The following PLCG2 variants were observed in gnomAD, a reference collection of about 807,000 sequenced individuals.
PLCG2 encodes the protein phospholipase C gamma 2.
In PLCG2, 69 loss-of-function variants were observed where a neutral mutation model predicts 175.6. The ratio of observed to expected loss-of-function variants is 0.39; its 90% CI spans 0.32 to 0.48. The LOEUF is 0.48. Among genes scored for constraint, PLCG2 ranks in the 20% least tolerant of loss-of-function variants. PLCG2 has a pLI of 0.91. For missense variants in PLCG2, 1,798 were observed against 1,650.9 expected, an observed-to-expected ratio of 1.09 and a Z score of -1.54; for synonymous variants, 827 against 624.0, an observed-to-expected ratio of 1.33 and a Z score of -4.85.
intron 2 of PLCG2, among the ~76,000 whole-genome samples, chr16:81,773,299 C>T (rs931748026): frequency 2.0e-5 from 3 of 152,174 alleles, no homozygotes; most frequent in African/African-American, 7.2e-5. Flanking sequence ...CTTGTCTGCA[C>T]CCCAACCACT....
rs760624627 is a variant in PLCG2, at chr16:81,919,646, C to T, written c.2217C>T (p.Leu739=). 1.2e-6 allele frequency: 2 copies of T among 1,613,884 alleles called. No individual in the cohort carries two copies. The highest frequency in any genetic ancestry group is 8.5e-7 in the Non-Finnish European group (1 of 1,179,828). Residue 739 remains leucine (L), a synonymous_variant, in exon 20 of 33, where the codon CTC becomes CTT. Coordinates refer to ENST00000564138, the MANE Select transcript of PLCG2 (RefSeq NM_002661.5). Reference sequence around the variant, plus strand: ...TGCGCTACCCCGTGACCCCCGAGCTCCTGGAGCGCTACAATATGGTAGGTG... The same window carrying T: ...TGCGCTACCCCGTGACCCCCGAGCTTCTGGAGCGCTACAATATGGTAGGTG... ...MRLRYPVTPE[L]LERYNMERDI...
At chr16:81,943,831 C>G (rs992951265) in intron 30 of PLCG2, among the ~76,000 whole-genome samples, 2 of 152,246 alleles carry the variant, frequency 1.3e-5, no homozygotes, top group African/African-American at 4.8e-5. Context: ...TCAATGAGAG[C>G]AATGTCCCCA....
chr16:81,931,672 CG>C lies in PLCG2; in HGVS notation c.2739+21del. Reference sequence around the variant, plus strand: ...ACACCAAGGTAGGCACCTGCTCACCCGGGTGCAGGTGGGCCTGGCATTCTGA... The same window carrying C: ...ACACCAAGGTAGGCACCTGCTCACCCGGTGCAGGTGGGCCTGGCATTCTGA... On this transcript the variant is annotated intron_variant, in intron 25 of 32. Transcript: ENST00000564138. 6.2e-7 allele frequency: 1 copy of C among 1,609,856 alleles called. No homozygotes were observed. The highest frequency in any genetic ancestry group is 1.1e-5 in the South Asian group (1 of 90,822).
chr16:81,916,272 G>C (rs569600291), intron 19 of PLCG2, among the ~76,000 whole-genome samples: 4 of 146,348 alleles, frequency 2.7e-5, no homozygotes, highest in South Asian at 4.3e-4. Flanking sequence ...TTTTTCAAAA[G>C]ACTGGAAATC....
chr16:81,922,462 TAAG>T (rs1910099337), intron 21 of PLCG2, among the ~76,000 whole-genome samples: 1 of 152,266 alleles, frequency 6.6e-6, no homozygotes, highest in Non-Finnish European at 1.5e-5. Context: ...AGTTAGCACT[TAAG>T]AAGTGCAAGC....
intron 29 of PLCG2, among the ~76,000 whole-genome samples, chr16:81,939,573 G>C (rs1235269810): frequency 6.6e-6 from 1 of 151,678 alleles, no homozygotes; most frequent in Non-Finnish European, 1.5e-5. Flanking sequence ...CTCCCCTTTT[G>C]TCTTTTCCAA....
intron 30 of PLCG2, among the ~76,000 whole-genome samples, chr16:81,942,046 T>G (rs1252302236): frequency 6.6e-6 from 1 of 152,180 alleles, no homozygotes; most frequent in Non-Finnish European, 1.5e-5. Context: ...GTGTAGCTTT[T>G]GGTACACCTT....
chr16:81,813,519 G>A (rs1323386762), intron 2 of PLCG2, among the ~76,000 whole-genome samples: 1 of 152,180 alleles, frequency 6.6e-6, no homozygotes, highest in Non-Finnish European at 1.5e-5. Flanking sequence ...CATTGATTTT[G>A]TATCCTGAGA....
At chr16:81,862,553 CCTTTTTTCTTTTTT>C (rs944165220) in intron 5 of PLCG2, among the ~76,000 whole-genome samples, 1 of 152,146 alleles carries the variant, frequency 6.6e-6, no homozygotes, top group Non-Finnish European at 1.5e-5. Context: ...TGTTGCTTTT[CCTTTTTTCTTTTTT>C]CTTTTTTTAA....
At chr16:81,902,774 G>C (rs1418889044) in intron 14 of PLCG2, among the ~76,000 whole-genome samples, 2 of 152,272 alleles carry the variant, frequency 1.3e-5, no homozygotes, top group East Asian at 3.9e-4. Context: ...AAAGGAAAGA[G>C]GTTTAATGGA....
At chr16:81,904,462 A>G (rs1391486691) in intron 14 of PLCG2, among the ~76,000 whole-genome samples, 1 of 152,214 alleles carries the variant, frequency 6.6e-6, no homozygotes, top group Non-Finnish European at 1.5e-5. Context: ...GCAGATGAGA[A>G]GCCTGAGGCT....
upstream of PLCG2, among the ~76,000 whole-genome samples, chr16:81,775,251 T>C (rs1243617395): frequency 1.3e-5 from 2 of 152,196 alleles, no homozygotes; most frequent in Non-Finnish European, 2.9e-5. Context: ...CTCTCTGCTT[T>C]CCTGGTCCTT....
At chr16:81,932,308 T>G (rs1391998454) in intron 25 of PLCG2, among the ~76,000 whole-genome samples, 1 of 152,208 alleles carries the variant, frequency 6.6e-6, no homozygotes, top group Non-Finnish European at 1.5e-5. Flanking sequence ...TCAGTTTCCT[T>G]GTCTGCAAAA....
intron 2 of PLCG2, among the ~76,000 whole-genome samples, chr16:81,804,982 C>A (rs1187747929): frequency 6.6e-6 from 1 of 152,154 alleles, no homozygotes; most frequent in Non-Finnish European, 1.5e-5. Flanking sequence ...TACAATCTGT[C>A]TGTGAGTTTT....
intron 2 of PLCG2, among the ~76,000 whole-genome samples, chr16:81,771,166 G>A (rs1910273020): frequency 6.6e-6 from 1 of 152,140 alleles, no homozygotes; most frequent in Non-Finnish European, 1.5e-5. Flanking sequence ...TCAAAACCTA[G>A]AACATCGCAG....
At chr16:81,851,839 G>T (rs1359970531) in intron 2 of PLCG2, among the ~76,000 whole-genome samples, 2 of 152,208 alleles carry the variant, frequency 1.3e-5, no homozygotes, top group Non-Finnish European at 2.9e-5. Context: ...TTTGCCCACT[G>T]AGCTGTTTCT....
At chr16:81,950,929 G>A (rs1911341252) in intron 31 of PLCG2, among the ~76,000 whole-genome samples, 1 of 152,068 alleles carries the variant, frequency 6.6e-6, no homozygotes, top group Non-Finnish European at 1.5e-5. Context: ...GAAACCAACT[G>A]AATAAAACAC....
chr16:81,950,315 G>A (rs115919016), intron 31 of PLCG2, among the ~76,000 whole-genome samples: 2 of 152,276 alleles, frequency 1.3e-5, no homozygotes, highest in African/African-American at 4.8e-5. Context: ...ACGATCAGAA[G>A]TACTACAGTG....
intron 7 of PLCG2, among the ~76,000 whole-genome samples, chr16:81,874,990 G>GTTTTTTTTT: frequency 1.8e-5 from 1 of 56,532 alleles, no homozygotes; most frequent in Non-Finnish European, 3.9e-5. Flanking sequence ...TTGAGACAGA[G>GTTTTTTTTT]TCTTTCTCTG....
Sources: allele counts gnomAD v4.1 joint callset (sites outside exome capture counted in the v4.1 genomes callset), GRCh38; gene constraint gnomAD v4.1.1; transcripts MANE v1.5; gene names NCBI Gene and HGNC (gene_info 2026-07-23, HGNC 2026-07-21).